N4BP2: variants seen among roughly 807,000 people sequenced by gnomAD.
The protein encoded by N4BP2 is NEDD4-binding protein 2.
A neutral mutation model predicts 152.8 loss-of-function variants in N4BP2; 91 were observed. That is an observed-to-expected ratio of 0.60 (90% confidence interval 0.50 to 0.71). The LOEUF (loss-of-function observed/expected upper bound fraction) is 0.71, where lower values mean the gene tolerates loss of function less well. N4BP2 is among the 30% of genes least tolerant of loss of function. N4BP2 has a pLI of 0.00. For missense variants in N4BP2, 1,923 were observed against 2,059.1 expected (o/e 0.93, Z 1.28); for synonymous variants, 646 against 705.3 (o/e 0.92, Z 1.33).
chr4:40,074,980 C>T lies in N4BP2; in HGVS notation c.-115+1429C>T, dbSNP rs188121817. ...TGAGCTCTTGCCACTGCACTCCAGC[C>T]TGGGCGACAGAGTGAGACTCTGTAA... On this transcript the variant is annotated intron_variant, in intron 2 of 17. Coordinates refer to ENST00000261435, the MANE Select transcript of N4BP2 (RefSeq NM_018177.6). 3.1e-4 allele frequency among the ~76,000 whole-genome samples: 47 copies of T among 151,618 alleles called. 1 individual carries two copies. The East Asian group carries it at 7.6e-3, about 24-fold the overall frequency.
intron 14 of N4BP2, among the ~76,000 whole-genome samples, chr4:40,141,152 C>A (rs1311645732): frequency 2.0e-5 from 3 of 152,010 alleles, no homozygotes; most frequent in African/African-American, 7.2e-5. Flanking sequence ...CTCCTCACCT[C>A]CCAGTAGGGG....
intron 16 of N4BP2, among the ~76,000 whole-genome samples, chr4:40,151,691 T>G (rs1721167154): frequency 6.6e-6 from 1 of 152,234 alleles, no homozygotes; most frequent in East Asian, 1.9e-4. Context: ...ATACCTAGAA[T>G]TTTGTGCACT....
At chr4:40,078,683 G>A (rs188951930) in intron 2 of N4BP2, among the ~76,000 whole-genome samples, 132 of 151,748 alleles carry the variant, frequency 8.7e-4, no homozygotes, top group Non-Finnish European at 4.0e-4. Context: ...GCACCATTAC[G>A]CCCAGCTTAT....
At chr4:40,091,710 A>T (rs1337358615) in intron 2 of N4BP2, among the ~76,000 whole-genome samples, 1 of 139,192 alleles carries the variant, frequency 7.2e-6, no homozygotes, top group Non-Finnish European at 1.5e-5. Context: ...GGCCTAAGTG[A>T]TCCTTTCACC....
chr4:40,125,001 G>A (rs1410077536), intron 11 of N4BP2, among the ~76,000 whole-genome samples: 1 of 152,218 alleles, frequency 6.6e-6, no homozygotes, highest in Non-Finnish European at 1.5e-5. Context: ...GTTGTCTTCA[G>A]TGACTGTTGC....
the N4BP2 span, among the ~76,000 whole-genome samples, chr4:40,184,531 C>G: frequency 1.3e-5 from 2 of 152,096 alleles, no homozygotes; most frequent in Non-Finnish European, 2.9e-5. Context: ...CATTAAAAAT[C>G]TGCAGAGTAC....
In N4BP2 at chr4:40,131,855, C is replaced by T. The variant is rs1301595776; in HGVS notation, c.4582C>T (p.Gln1528Ter). The change falls in exon 13 of 18, where the codon CAG becomes TAG. Residue 1528 changes from glutamine to a stop codon, truncating the protein, a stop_gained. Coordinates refer to ENST00000261435, the MANE Select transcript of N4BP2 (RefSeq NM_018177.6). LOFTEE classifies it high-confidence loss of function. ...KDCATKLKEK[Q>*]LFKIFPAINQ... is the part of the protein sequence containing the mutation. Reference sequence around the variant, plus strand: ...TTGTGCCACTAAACTAAAGGAGAAGCAGCTCTTTAAGATATTTCCAGCCAT... The same window carrying T: ...TTGTGCCACTAAACTAAAGGAGAAGTAGCTCTTTAAGATATTTCCAGCCAT... 3 of 1,613,676 alleles carry T rather than the reference C, an allele frequency of 1.9e-6. No homozygotes were observed. Among genetic ancestry groups the T allele is most frequent in the Non-Finnish European group, 2.5e-6 (3 of 1,179,780 alleles).
chr4:40,143,004 T>G (rs554835231), intron 15 of N4BP2, 143 bp downstream of exon 15: 35 of 663,594 alleles, frequency 5.3e-5, no homozygotes, highest in Non-Finnish European at 9.0e-5. Flanking sequence ...TAAGGTATCC[T>G]AAGAAATGTA....
At chr4:40,089,243 G>A (rs934806132) in intron 2 of N4BP2, among the ~76,000 whole-genome samples, 6 of 152,064 alleles carry the variant, frequency 3.9e-5, no homozygotes, top group African/African-American at 1.4e-4. Flanking sequence ...TAGGTTTACA[G>A]GCATGAGCCA....
chr4:40,154,308 C>A lies in N4BP2; in HGVS notation c.*71C>A, dbSNP rs1022708603. On this transcript the variant is annotated 3_prime_UTR_variant, in exon 18 of 18. Coordinates refer to ENST00000261435, the MANE Select transcript of N4BP2 (RefSeq NM_018177.6). ...TTACTTTTATTTGCAGTAATTCAGTCAATTCTACCCTAAAGATGTGTTTTA... is the reference window on the plus strand; with the variant it reads ...TTACTTTTATTTGCAGTAATTCAGTAAATTCTACCCTAAAGATGTGTTTTA... 5.6e-6 allele frequency: 5 copies of A among 892,080 alleles called. No homozygotes were observed. The highest frequency in any genetic ancestry group is 1.5e-5 in the South Asian group (1 of 64,750). 55.3% of individuals were successfully genotyped at this position (892,080 alleles called of 1,614,324 possible).
the N4BP2 span, among the ~76,000 whole-genome samples, chr4:40,171,202 C>T: frequency 6.6e-6 from 1 of 152,226 alleles, no homozygotes; most frequent in Non-Finnish European, 1.5e-5. Flanking sequence ...GCAAGTTCTT[C>T]CAACGTGAAG....
intron 14 of N4BP2, among the ~76,000 whole-genome samples, chr4:40,137,548 T>C (rs1719518473): frequency 6.6e-6 from 1 of 152,192 alleles, no homozygotes; most frequent in South Asian, 2.1e-4. Flanking sequence ...TTATAACCAT[T>C]GTAGTGAGTG....
In N4BP2 at chr4:40,151,590, G is replaced by A. The variant is rs559712133; in HGVS notation, c.5144-1190G>A. On this transcript the variant is annotated intron_variant, in intron 16 of 17. Transcript: ENST00000261435. ...CCTGGCCAATGTAAAACTTTTATGC[G>A]TAATATAACATATGTAAAGAACAGT... 4.6e-5 allele frequency among the ~76,000 whole-genome samples: 7 copies of A among 152,180 alleles called. No homozygotes were observed. The East Asian group carries it at 5.8e-4, about 13-fold the overall frequency.
intron 7 of N4BP2, among the ~76,000 whole-genome samples, chr4:40,114,311 T>C (rs1331741751): frequency 1.3e-5 from 2 of 152,186 alleles, no homozygotes; most frequent in Non-Finnish European, 2.9e-5. Context: ...CAGTGTTGTG[T>C]GATCATCACC....
intron 1 of N4BP2, 175 bp downstream of exon 1, chr4:40,057,205 G>T: frequency 1.3e-5 from 2 of 152,358 alleles, no homozygotes; most frequent in Middle Eastern, 6.8e-3. Flanking sequence ...GATCTGACCC[G>T]CGGGCCCGGC....
intron 2 of N4BP2, among the ~76,000 whole-genome samples, chr4:40,088,741 C>A (rs1714237002): frequency 6.6e-6 from 1 of 152,154 alleles, no homozygotes; most frequent in South Asian, 2.1e-4. Flanking sequence ...CTCAGTTGAT[C>A]TGCCCGCCTT....
intron 16 of N4BP2, among the ~76,000 whole-genome samples, chr4:40,148,350 C>G (rs568412083): frequency 1.3e-5 from 2 of 152,116 alleles, no homozygotes; most frequent in Admixed American, 6.5e-5. Flanking sequence ...ACTGGGCAGG[C>G]GGAGGCAGGA....
chr4:40,123,755 GATTAT>G (rs1181212772), intron 10 of N4BP2, among the ~76,000 whole-genome samples: 2 of 151,906 alleles, frequency 1.3e-5, no homozygotes, highest in African/African-American at 4.8e-5. Context: ...AAAGTGTTGG[GATTAT>G]AGGCATGAGC....
At position 40,106,973 on chromosome 4, in the gene N4BP2, C is replaced by A. The variant is rs758588043; in HGVS notation, c.1447C>A (p.Gln483Lys). 16 of 1,612,540 alleles carry A rather than the reference C, an allele frequency of 9.9e-6. No individual in the cohort carries two copies. Among genetic ancestry groups the A allele is most frequent in the Non-Finnish European group, 1.4e-5 (16 of 1,178,818 alleles). ...TTATTTTTATATAAATGGACAGTAC[C>A]AGTTTGATGTAAAGTACTTAGGAGA... is the stretch of plus-strand genomic sequence containing the variant. The part of the protein sequence containing the change: ...DDYFYINGQY[Q>K]FDVKYLGEAH... Residue 483 changes from glutamine to lysine, a missense_variant, in exon 5 of 18, where the codon CAG (glutamine) becomes AAG (lysine). Physicochemically the swap from Gln to Lys is moderately conservative, Grantham distance 53. Transcript: ENST00000261435.
Sources: allele counts gnomAD v4.1 joint callset (sites outside exome capture counted in the v4.1 genomes callset), GRCh38; gene constraint gnomAD v4.1.1; transcripts MANE v1.5; gene names NCBI Gene and HGNC (gene_info 2026-07-23, HGNC 2026-07-21).